VAMP7: variants seen among roughly 807,000 people sequenced by gnomAD.
VAMP7 encodes the protein vesicle-associated membrane protein 7.
A neutral mutation model predicts 29.6 loss-of-function variants in VAMP7; 14 were observed. The observed-to-expected ratio is 0.47, with a 90% CI of 0.31 to 0.74. The LOEUF (loss-of-function observed/expected upper bound fraction) is 0.74. Ranked by LOEUF, VAMP7 falls within the 30% of genes least tolerant of loss-of-function variation. The pLI, the probability that VAMP7 is intolerant of heterozygous loss-of-function variation, is 0.05. For synonymous variants in VAMP7, 95 were observed against 88.1 expected, an observed-to-expected ratio of 1.08 and a Z score of -0.44; for missense variants, 223 against 262.4, an observed-to-expected ratio of 0.85 and a Z score of 1.04.
rs755049083 is a variant in VAMP7, at chrX:155,919,793, T to C, written c.434-20T>C. 1 of 1,602,966 alleles carries C rather than the reference T, an allele frequency of 6.2e-7. No individual in the cohort carries two copies. The highest frequency in any genetic ancestry group is 8.5e-7 in the Non-Finnish European group (1 of 1,173,326). The stretch of plus-strand genomic sequence containing the variant: ...CTACAATGGAAAACTTGACCTTTTC[T>C]ACTTTTCCAATATTTTCAGATCTGG... On this transcript the variant is annotated intron_variant, in intron 5 of 7. Transcript: ENST00000286448.
intron 5 of VAMP7, among the ~76,000 whole-genome samples, chrX:155,907,259 T>TTTTA (rs982791168): frequency 1.3e-5 from 2 of 151,876 alleles, no homozygotes; most frequent in Admixed American, 6.6e-5. Flanking sequence ...TATCATTTTC[T>TTTTA]TTTATTTATT....
intron 6 of VAMP7, among the ~76,000 whole-genome samples, chrX:155,921,996 T>C (rs1369864063): frequency 6.6e-6 from 1 of 152,074 alleles, no homozygotes; most frequent in Admixed American, 6.5e-5. Flanking sequence ...CAGCAGTATT[T>C]TTTAGTTTTT....
At chrX:155,885,231 G>A (rs1458676719) in intron 1 of VAMP7, among the ~76,000 whole-genome samples, 2 of 151,970 alleles carry the variant, frequency 1.3e-5, no homozygotes, top group South Asian at 2.1e-4. Flanking sequence ...GTAAAAACAG[G>A]CTTTTCTAAC....
At chrX:155,911,141 T>G (rs1455772053) in intron 5 of VAMP7, among the ~76,000 whole-genome samples, 1 of 152,174 alleles carries the variant, frequency 6.6e-6, no homozygotes, top group Non-Finnish European at 1.5e-5. Context: ...TCCAGTTTAA[T>G]TCTTCCACAT....
chrX:155,893,899 CAT>C (rs2065954067), intron 2 of VAMP7, among the ~76,000 whole-genome samples: 1 of 152,212 alleles, frequency 6.6e-6, no homozygotes, highest in South Asian at 2.1e-4. Context: ...TCAACACTAT[CAT>C]ATGTTTCAGA....
At chrX:155,888,617 G>C (rs1229462618) in intron 1 of VAMP7, among the ~76,000 whole-genome samples, 1 of 152,184 alleles carries the variant, frequency 6.6e-6, no homozygotes, top group Non-Finnish European at 1.5e-5. Context: ...TTCATAGGCA[G>C]ACATAAGGAA....
chrX:155,935,086 G>C (rs2066628223), intron 6 of VAMP7, among the ~76,000 whole-genome samples: 1 of 152,078 alleles, frequency 6.6e-6, no homozygotes, highest in Admixed American at 6.5e-5. Flanking sequence ...AGTCTGATGG[G>C]CTTCCCTTTG....
chrX:155,940,408 G>A (rs1341248205), intron 7 of VAMP7, among the ~76,000 whole-genome samples: 1 of 152,116 alleles, frequency 6.6e-6, no homozygotes, highest in East Asian at 1.9e-4. Context: ...GCCTTAGACA[G>A]CTGGATTTAT....
At chrX:155,899,606 A>G (rs1254409700) in intron 4 of VAMP7, among the ~76,000 whole-genome samples, 1 of 152,010 alleles carries the variant, frequency 6.6e-6, no homozygotes, top group African/African-American at 2.4e-5. Context: ...TTGGTTACTT[A>G]TAAACCTTTA....
intron 6 of VAMP7, among the ~76,000 whole-genome samples, chrX:155,927,678 C>A (rs911199918): frequency 6.7e-6 from 1 of 150,346 alleles, no homozygotes; most frequent in African/African-American, 2.4e-5. Context: ...ATGAGAGATT[C>A]TCTAAGCTTT....
intron 6 of VAMP7, among the ~76,000 whole-genome samples, chrX:155,921,371 A>G (rs1334257891): frequency 1.3e-5 from 2 of 152,042 alleles, no homozygotes; most frequent in Non-Finnish European, 2.9e-5. Context: ...AACATTACCA[A>G]CACCCCAGAA....
In VAMP7 at chrX:155,895,585, T is replaced by A. The variant is rs774660388; in HGVS notation, c.147-38T>A. The A allele has an allele frequency of 2.6e-6, 4 of 1,511,270 alleles. No individual in the cohort carries two copies. In the African/African-American group the frequency reaches 5.5e-5, roughly 21 times the overall value. The allele number at this position is 1,511,270 out of a possible 1,614,324, so 93.6% of individuals were successfully genotyped here. ...AAGATAGAAGTAAAAGTGATGTTGC[T>A]TATAACCACAGTAAGTTTTATATCT... On this transcript the variant is annotated intron_variant, in intron 2 of 7. Transcript: ENST00000286448.
intron 5 of VAMP7, among the ~76,000 whole-genome samples, chrX:155,903,819 C>G (rs750145994): frequency 3.3e-5 from 5 of 152,172 alleles, no homozygotes; most frequent in East Asian, 1.9e-4. Flanking sequence ...GGATCTAGAA[C>G]TAGAAATACC....
intron 6 of VAMP7, among the ~76,000 whole-genome samples, chrX:155,921,073 C>T (rs1486131714): frequency 2.0e-5 from 3 of 152,082 alleles, no homozygotes; most frequent in Non-Finnish European, 4.4e-5. Flanking sequence ...TTGATACTTC[C>T]AGGCTGTCTC....
intron 6 of VAMP7, among the ~76,000 whole-genome samples, chrX:155,926,428 C>A (rs2066467875): frequency 6.6e-6 from 1 of 152,174 alleles, no homozygotes. Context: ...TTCCTTAAAC[C>A]TCATGAACCA....
intron 4 of VAMP7, among the ~76,000 whole-genome samples, chrX:155,899,385 G>A (rs1569436909): frequency 2.0e-5 from 3 of 151,724 alleles, no homozygotes; most frequent in South Asian, 4.2e-4. Context: ...GACACCTTTC[G>A]AAATGCTTCC....
chrX:155,889,052 C>T (rs780230113), intron 1 of VAMP7, among the ~76,000 whole-genome samples: 1 of 152,222 alleles, frequency 6.6e-6, no homozygotes, highest in Non-Finnish European at 1.5e-5. Flanking sequence ...GTCTTAACTT[C>T]TGTTGAACTA....
chrX:155,930,004 G>GAA (rs939915349), intron 6 of VAMP7, among the ~76,000 whole-genome samples: 3 of 152,252 alleles, frequency 2.0e-5, no homozygotes, highest in Admixed American at 1.3e-4. Context: ...CCAGCCAAGG[G>GAA]AAAAAGTACA....
Position 155,942,050 on chromosome X carries a change from C to T in VAMP7, c.*99C>T. 6.2e-7 allele frequency: 1 copy of T among 1,604,456 alleles called. No homozygotes were observed. The highest frequency in any genetic ancestry group is 8.5e-7 in the Non-Finnish European group (1 of 1,174,628). ...TTCACATACTGACAGATGGTATCTG[C>T]CAGTCTCTTCAACCCTCTTCTCACT... On this transcript the variant is annotated 3_prime_UTR_variant, in exon 8 of 8. Coordinates refer to ENST00000286448, the MANE Select transcript of VAMP7 (RefSeq NM_005638.6).
Sources: allele counts gnomAD v4.1 joint callset (sites outside exome capture counted in the v4.1 genomes callset), GRCh38; gene constraint gnomAD v4.1.1; transcripts MANE v1.5; gene names NCBI Gene and HGNC (gene_info 2026-07-23, HGNC 2026-07-21).